Variants in SLMAP observed in about 807,000 individuals in gnomAD.
SLMAP encodes the protein sarcolemma associated protein.
In SLMAP, 44 loss-of-function variants were observed where a neutral mutation model predicts 128.8. The ratio of observed to expected loss-of-function variants is 0.34; its 90% CI spans 0.27 to 0.44. The LOEUF is 0.44. Ranked by LOEUF, SLMAP falls within the 20% of genes least tolerant of loss-of-function variation. SLMAP has a pLI of 1.00. For missense variants in SLMAP, 787 were observed against 985.3 expected (o/e 0.80, Z 2.69); for synonymous variants, 327 against 348.8 (o/e 0.94, Z 0.70).
Position 57,876,696 on chromosome 3 carries a change from A to G in SLMAP, c.1300+4998A>G, listed in dbSNP as rs141022333. Reference sequence around the variant, plus strand: ...GTGTTCTGCTAAAGATGTTTTCCAAATTAAGAAATAATGTATCTCTAAATC... The same window carrying G: ...GTGTTCTGCTAAAGATGTTTTCCAAGTTAAGAAATAATGTATCTCTAAATC... On this transcript the variant is annotated intron_variant, in intron 14 of 24. Transcript: ENST00000671191. Among the ~76,000 whole-genome samples, 628 of 152,366 alleles carry G rather than the reference A, an allele frequency of 4.1e-3. 6 individuals are homozygous for G. Among genetic ancestry groups the G allele is most frequent in the African/African-American group, 0.015 (609 of 41,582 alleles).
At chr3:57,828,486 G>A (rs2093084214) in intron 2 of SLMAP, among the ~76,000 whole-genome samples, 1 of 152,124 alleles carries the variant, frequency 6.6e-6, no homozygotes, top group Admixed American at 6.5e-5. Flanking sequence ...AAGTACAGAG[G>A]GTTAGGGGGA....
intron 17 of SLMAP, among the ~76,000 whole-genome samples, chr3:57,906,304 T>TTTTC (rs2096545550): frequency 8.8e-6 from 1 of 113,520 alleles, no homozygotes; most frequent in East Asian, 4.1e-4. Context: ...TTTTTTCTTT[T>TTTTC]TTTTTCTTTT....
At chr3:57,839,614 T>C (rs889806987) in intron 3 of SLMAP, among the ~76,000 whole-genome samples, 13 of 151,532 alleles carry the variant, frequency 8.6e-5, no homozygotes, top group Non-Finnish European at 5.9e-5. Flanking sequence ...CTATTTTTGT[T>C]TTTTTCTGGG....
At chr3:57,831,011 C>G (rs1017342699) in intron 2 of SLMAP, among the ~76,000 whole-genome samples, 1 of 152,080 alleles carries the variant, frequency 6.6e-6, no homozygotes, top group Non-Finnish European at 1.5e-5. Context: ...CCCTTTTTGG[C>G]TATTATGAAT....
At chr3:57,913,786 G>A (rs1414004246) in intron 21 of SLMAP, among the ~76,000 whole-genome samples, 1 of 151,814 alleles carries the variant, frequency 6.6e-6, no homozygotes, top group Non-Finnish European at 1.5e-5. Flanking sequence ...GCAAAACCCT[G>A]TCTCTACAAA....
chr3:57,923,831 AT>A (rs1002184143), intron 23 of SLMAP, among the ~76,000 whole-genome samples: 7 of 152,212 alleles, frequency 4.6e-5, no homozygotes, highest in African/African-American at 1.7e-4. Context: ...CGTGTTACTC[AT>A]TTGCACACAG....
At chr3:57,854,771 T>C (rs2094687942) in intron 6 of SLMAP, among the ~76,000 whole-genome samples, 1 of 152,220 alleles carries the variant, frequency 6.6e-6, no homozygotes, top group Admixed American at 6.5e-5. Flanking sequence ...GAGATGTATA[T>C]ATTTCACATA....
At position 57,912,488 on chromosome 3, in the gene SLMAP, C is replaced by T. The variant is rs2096722903; in HGVS notation, c.1807C>T (p.Leu603Phe). Reference protein sequence around the residue: ...ELLSARDEILLLHQAAAKVAS... With the variant: ...ELLSARDEILFLHQAAAKVAS... Reference sequence around the variant, plus strand: ...GCTTAGTGCCCGAGATGAAATTTTGCTCCTTCATCAAGCAGCAGCAAAGGT... The same window carrying T: ...GCTTAGTGCCCGAGATGAAATTTTGTTCCTTCATCAAGCAGCAGCAAAGGT... The change falls in exon 20 of 25, where the codon CTC becomes TTC. Residue 603 changes from leucine (L) to phenylalanine (F), a missense_variant. This residue lies in a region of SLMAP where 715 missense variants were observed against 843.6 expected (regional missense o/e 0.85). Transcript: ENST00000671191. 6.2e-7 allele frequency: 1 copy of T among 1,614,044 alleles called. No homozygotes were observed. Among genetic ancestry groups the T allele is most frequent in the Non-Finnish European group, 8.5e-7 (1 of 1,180,012 alleles).
chr3:57,881,888 C>T (rs1278963215), intron 14 of SLMAP, among the ~76,000 whole-genome samples: 1 of 152,082 alleles, frequency 6.6e-6, no homozygotes, highest in East Asian at 1.9e-4. Flanking sequence ...TCTCAACCAA[C>T]TGGGAGGCTG....
intron 14 of SLMAP, among the ~76,000 whole-genome samples, chr3:57,885,742 ATTG>A (rs1396651985): frequency 1.8e-5 from 1 of 56,018 alleles, no homozygotes; most frequent in African/African-American, 7.2e-5. Flanking sequence ...TGTTGTTGTT[ATTG>A]TTGTTTTGCT....
At chr3:57,842,026 T>C (rs757262821) in intron 4 of SLMAP, among the ~76,000 whole-genome samples, 1 of 152,184 alleles carries the variant, frequency 6.6e-6, no homozygotes, top group Non-Finnish European at 1.5e-5. Flanking sequence ...ACATTTTTTA[T>C]TTGTGGGAAA....
chr3:57,883,937 CTTT>C (rs56691913), intron 14 of SLMAP, among the ~76,000 whole-genome samples: 16 of 126,510 alleles, frequency 1.3e-4, no homozygotes, highest in Non-Finnish European at 1.3e-4. Flanking sequence ...TCTTTTCTTT[CTTT>C]TTTTTTTTTT....
intron 2 of SLMAP, among the ~76,000 whole-genome samples, chr3:57,772,481 A>G (rs2081080030): frequency 6.6e-6 from 1 of 152,216 alleles, no homozygotes; most frequent in Non-Finnish European, 1.5e-5. Flanking sequence ...CGTTGTGCAG[A>G]CATGGCTGCT....
At chr3:57,852,567 C>G (rs1398585316) in intron 6 of SLMAP, among the ~76,000 whole-genome samples, 1 of 152,150 alleles carries the variant, frequency 6.6e-6, no homozygotes, top group African/African-American at 2.4e-5. Context: ...GCACTTAGAA[C>G]AGTTCCTGGC....
intron 6 of SLMAP, among the ~76,000 whole-genome samples, chr3:57,851,953 C>T (rs1288890799): frequency 6.6e-6 from 1 of 152,074 alleles, no homozygotes; most frequent in African/African-American, 2.4e-5. Flanking sequence ...CTCTGTTGCC[C>T]AGGCTGGAGT....
intron 2 of SLMAP, among the ~76,000 whole-genome samples, chr3:57,812,442 ATGTC>A (rs905179449): frequency 3.7e-4 from 56 of 152,262 alleles, no homozygotes; most frequent in African/African-American, 1.3e-3. Flanking sequence ...TATGAGATAT[ATGTC>A]TGTCTGTATG....
rs550344224 is a variant in SLMAP, at chr3:57,929,817, A to C, written c.*2528A>C. On this transcript the variant is annotated 3_prime_UTR_variant, in exon 25 of 25. Transcript: ENST00000671191. ...GAGTCTCCATTTTCTCATTTATAAC[A>C]TGCGGAGAATAATACTTATATTTGT... 1.4e-4 allele frequency among the ~76,000 whole-genome samples: 21 copies of C among 152,234 alleles called. No homozygotes were observed. The highest frequency in any genetic ancestry group is 2.6e-4 in the Non-Finnish European group (18 of 68,044).
intron 14 of SLMAP, among the ~76,000 whole-genome samples, chr3:57,872,143 A>G (rs1011755534): frequency 5.3e-5 from 8 of 152,304 alleles, no homozygotes; most frequent in Middle Eastern, 6.8e-3. Flanking sequence ...ATCTTTAAGA[A>G]TATTTTAAAG....
At chr3:57,788,321 T>C (rs1186231885) in intron 2 of SLMAP, among the ~76,000 whole-genome samples, 3 of 152,212 alleles carry the variant, frequency 2.0e-5, no homozygotes, top group Non-Finnish European at 4.4e-5. Flanking sequence ...CATGCTTAAA[T>C]CTTTGTTTTT....
Sources: allele counts gnomAD v4.1 joint callset (sites outside exome capture counted in the v4.1 genomes callset), GRCh38; gene constraint gnomAD v4.1.1; regional missense constraint gnomAD v4.1.1; transcripts MANE v1.5; gene names NCBI Gene and HGNC (gene_info 2026-07-23, HGNC 2026-07-21).